MET: variants seen among roughly 807,000 people sequenced by gnomAD.
MET encodes hepatocyte growth factor receptor.
A neutral mutation model predicts 133.1 loss-of-function variants in MET; 48 were observed. The observed-to-expected ratio is 0.36, with a 90% confidence interval of 0.29 to 0.46. The LOEUF (loss-of-function observed/expected upper bound fraction) is 0.46. Among genes scored for constraint, MET ranks in the 20% least tolerant of loss-of-function variants. The probability of loss-of-function intolerance (pLI) is 1.00; values close to 1 mark genes in which losing one functional copy is unlikely to be tolerated. For synonymous variants in MET, 628 were observed against 616.5 expected (o/e 1.02, Z -0.28); for missense variants, 1,442 against 1,695.9 (o/e 0.85, Z 2.63).
chr7:116,689,702 G>A (rs763894522), intron 1 of MET, among the ~76,000 whole-genome samples: 10 of 151,158 alleles, frequency 6.6e-5, no homozygotes, highest in Non-Finnish European at 1.3e-4. Context: ...CACAGTAGCT[G>A]GGACTATAGG....
At chr7:116,678,932 T>C (rs529730834) in intron 1 of MET, among the ~76,000 whole-genome samples, 1 of 152,222 alleles carries the variant, frequency 6.6e-6, no homozygotes, top group South Asian at 2.1e-4. Context: ...AGGAAGTTGG[T>C]TTTTGCTAAG....
At chr7:116,772,050 T>C (rs2116999157) in intron 14 of MET, 61 bp downstream of exon 14, 1 of 1,583,274 alleles carries the variant, frequency 6.3e-7, no homozygotes, top group Non-Finnish European at 8.7e-7. Context: ...GGTTGTGACA[T>C]TGTTGTTTAT....
chr7:116,672,856 A>C (rs1796023627), intron 1 of MET, among the ~76,000 whole-genome samples: 1 of 152,150 alleles, frequency 6.6e-6, no homozygotes, highest in Non-Finnish European at 1.5e-5. Context: ...GTTACGGCCC[A>C]GCAAGTTTTA....
chr7:116,741,147 A>T, intron 5 of MET, 122 bp downstream of exon 5: 1 of 1,164,594 alleles, frequency 8.6e-7, no homozygotes, highest in Middle Eastern at 2.5e-4. Flanking sequence ...AAAATTTAAA[A>T]ATCAATTTAC....
intron 1 of MET, among the ~76,000 whole-genome samples, chr7:116,695,292 A>G (rs1796923062): frequency 6.6e-6 from 1 of 152,214 alleles, no homozygotes; most frequent in Non-Finnish European, 1.5e-5. Context: ...CTCTAGTACA[A>G]CAAATTGTCC....
intron 19 of MET, among the ~76,000 whole-genome samples, chr7:116,792,438 A>AC (rs1272186417): frequency 3.8e-5 from 2 of 52,510 alleles, no homozygotes; most frequent in African/African-American, 8.3e-5. Context: ...CTCACCCCCG[A>AC]CCCCCCCTCA....
chr7:116,750,585 G>T (rs763809275), intron 5 of MET, among the ~76,000 whole-genome samples: 4 of 152,160 alleles, frequency 2.6e-5, no homozygotes, highest in Admixed American at 6.5e-5. Flanking sequence ...TGACAAATGG[G>T]ATCTAATTAA....
intron 6 of MET, among the ~76,000 whole-genome samples, chr7:116,757,063 T>C (rs892691547): frequency 2.0e-5 from 3 of 149,830 alleles, no homozygotes; most frequent in South Asian, 2.1e-4. Flanking sequence ...ACTCCATCTC[T>C]ACCAAAAAAA....
chr7:116,719,862 T>C (rs1792407203), intron 2 of MET, among the ~76,000 whole-genome samples: 1 of 152,034 alleles, frequency 6.6e-6, no homozygotes, highest in South Asian at 2.1e-4. Flanking sequence ...TCTGTTTTGG[T>C]ACCAGTACCA....
chr7:116,697,791 C>T (rs1283546203), intron 1 of MET, among the ~76,000 whole-genome samples: 1 of 152,108 alleles, frequency 6.6e-6, no homozygotes, highest in African/African-American at 2.4e-5. Flanking sequence ...ACAGGCTGTG[C>T]TTTTTTCCCT....
At chr7:116,678,743 A>T (rs1474648846) in intron 1 of MET, among the ~76,000 whole-genome samples, 1 of 152,030 alleles carries the variant, frequency 6.6e-6, no homozygotes, top group East Asian at 1.9e-4. Context: ...GAGTGTATCT[A>T]GACCAGCATT....
chr7:116,796,035 G>T lies in MET; in HGVS notation c.4084G>T (p.Val1362Phe), dbSNP rs2117112654. ...CGCTACTTATGTGAACGTAAAATGT[G>T]TCGCTCCGTATCCTTCTCTGTTGTC... is the stretch of plus-strand genomic sequence containing the variant. ...VNATYVNVKC[V>F]APYPSLLSSE... The change falls in exon 21 of 21, where the codon GTC becomes TTC. Residue 1362 changes from valine to phenylalanine, a missense_variant. This residue lies in a region of MET where 94 missense variants were observed against 109.5 expected (regional missense o/e 0.86). Transcript: ENST00000397752. 6.2e-7 allele frequency: 1 copy of T among 1,614,014 alleles called. No homozygotes were observed. The highest frequency in any genetic ancestry group is 8.5e-7 in the Non-Finnish European group (1 of 1,179,926).
intron 2 of MET, among the ~76,000 whole-genome samples, chr7:116,708,467 A>T (rs1357777139): frequency 1.3e-5 from 2 of 152,194 alleles, no homozygotes; most frequent in Non-Finnish European, 2.9e-5. Flanking sequence ...CACTTAGAAA[A>T]ACATTGCAAG....
intron 2 of MET, among the ~76,000 whole-genome samples, chr7:116,705,137 A>G (rs544657682): frequency 3.9e-5 from 6 of 152,212 alleles, no homozygotes; most frequent in Non-Finnish European, 8.8e-5. Flanking sequence ...AAAAATAAAC[A>G]TACAGTGATG....
At position 116,756,179 on chromosome 7, in the gene MET, CT is replaced by C. The variant is rs10719237; in HGVS notation, c.1862+665del. Among the ~76,000 whole-genome samples, 989 of 152,314 alleles carry C rather than the reference CT, an allele frequency of 6.5e-3. 15 individuals carry two copies. Among genetic ancestry groups the C allele is most frequent in the African/African-American group, 0.023 (939 of 41,558 alleles). On this transcript the variant is annotated intron_variant, in intron 6 of 20. Coordinates refer to ENST00000397752, the MANE Select transcript of MET (RefSeq NM_000245.4). ...AGAGCTGAACAAGCCTTCAGCTCAG[CT>C]CTGATCATCTTCTGATCCAAGACCC...
intron 12 of MET, among the ~76,000 whole-genome samples, chr7:116,770,701 T>A (rs1161549710): frequency 6.6e-6 from 1 of 152,174 alleles, no homozygotes; most frequent in Non-Finnish European, 1.5e-5. Context: ...GTGGCCTATT[T>A]TACTTAACAT....
intron 8 of MET, 33 bp from the exon 9 acceptor site, chr7:116,758,426 C>G (rs767825474): frequency 1.9e-5 from 30 of 1,595,368 alleles, no homozygotes; most frequent in Non-Finnish European, 2.6e-5. Flanking sequence ...TCTCTAATAG[C>G]TAAAATTCAC....
chr7:116,676,194 T>C (rs1419243895), intron 1 of MET, among the ~76,000 whole-genome samples: 3 of 152,258 alleles, frequency 2.0e-5, no homozygotes, highest in African/African-American at 7.2e-5. Context: ...AGTATGTTTA[T>C]GTAGGTTACT....
chr7:116,775,645 T>G (rs1004831614), intron 15 of MET, among the ~76,000 whole-genome samples: 1 of 152,182 alleles, frequency 6.6e-6, no homozygotes, highest in African/African-American at 2.4e-5. Flanking sequence ...AGGTGGAAGT[T>G]GCAGTGAGCC....
Sources: gnomAD v4.1 joint callset for allele counts (sites outside exome capture counted in the v4.1 genomes callset) on GRCh38, gnomAD v4.1.1 for gene constraint, gnomAD v4.1.1 regional missense constraint, MANE v1.5 for transcripts, NCBI Gene and HGNC (gene_info 2026-07-23, HGNC 2026-07-21) for gene names.